ATG7: variants seen among roughly 807,000 people sequenced by gnomAD.
ATG7 encodes the protein autophagy related 7.
Under a neutral mutation model 82.4 loss-of-function variants are expected in ATG7, and 70 were observed. The observed-to-expected ratio is 0.85, with a 90% CI of 0.70 to 1.04. The LOEUF is 1.04. Among genes scored for constraint, ATG7 ranks in the 50% least tolerant of loss-of-function variants. The pLI is 0.00. For missense variants in ATG7, 792 were observed against 864.3 expected (o/e 0.92, Z 1.05); for synonymous variants, 287 against 313.0 (o/e 0.92, Z 0.88).
chr3:11,289,765 G>T (rs1286468207), intron 3 of ATG7, among the ~76,000 whole-genome samples: 1 of 152,044 alleles, frequency 6.6e-6, no homozygotes, highest in Admixed American at 6.6e-5. Context: ...TCACCATGTT[G>T]CCCAGGCTCG....
intron 20 of ATG7, among the ~76,000 whole-genome samples, chr3:11,511,126 T>C (rs951274777): frequency 6.6e-6 from 1 of 152,068 alleles, no homozygotes; most frequent in Non-Finnish European, 1.5e-5. Context: ...AGTAGCAAGA[T>C]TTATTGCAAA....
chr3:11,444,615 G>A (rs915059746), intron 20 of ATG7, among the ~76,000 whole-genome samples: 19 of 152,140 alleles, frequency 1.2e-4, no homozygotes, highest in African/African-American at 4.6e-4. Flanking sequence ...TTAAAACCCT[G>A]GAAGACATCC....
chr3:11,436,796 G>T (rs1576402746), intron 20 of ATG7, among the ~76,000 whole-genome samples: 2 of 152,134 alleles, frequency 1.3e-5, no homozygotes, highest in Non-Finnish European at 2.9e-5. Context: ...ACTAATTGAA[G>T]AAGCCAGTCA....
At chr3:11,431,565 T>C (rs1326459230) in intron 20 of ATG7, among the ~76,000 whole-genome samples, 1 of 152,198 alleles carries the variant, frequency 6.6e-6, no homozygotes, top group Non-Finnish European at 1.5e-5. Context: ...TCCCTCCTCC[T>C]TCCAGCCCCT....
intron 18 of ATG7, among the ~76,000 whole-genome samples, chr3:11,373,137 T>C (rs1471718512): frequency 2.0e-5 from 3 of 150,350 alleles, no homozygotes; most frequent in Admixed American, 6.6e-5. Flanking sequence ...AGAACAAGAG[T>C]TGAGAGTAAG....
At chr3:11,381,466 ACACT>A (rs1249900569) in intron 19 of ATG7, among the ~76,000 whole-genome samples, 5 of 152,222 alleles carry the variant, frequency 3.3e-5, no homozygotes, top group South Asian at 4.1e-4. Flanking sequence ...TGAAATGCAA[ACACT>A]CATTCATTCT....
intron 15 of ATG7, among the ~76,000 whole-genome samples, chr3:11,359,722 C>CA (rs1047358332): frequency 9.1e-5 from 13 of 142,818 alleles, no homozygotes; most frequent in South Asian, 4.5e-4. Flanking sequence ...AACAAAAAAA[C>CA]AAAAAAAAAC....
chr3:11,302,563 TGA>T (rs1339665846), intron 5 of ATG7, among the ~76,000 whole-genome samples: 2 of 152,294 alleles, frequency 1.3e-5, no homozygotes, highest in South Asian at 4.1e-4. Flanking sequence ...CTCTACTGTA[TGA>T]GAGAGAGAAG....
intron 9 of ATG7, among the ~76,000 whole-genome samples, chr3:11,328,546 T>C (rs1379084507): frequency 6.6e-6 from 1 of 152,220 alleles, no homozygotes; most frequent in Non-Finnish European, 1.5e-5. Flanking sequence ...AAGAAAATTT[T>C]ATATAACGGA....
intron 3 of ATG7, among the ~76,000 whole-genome samples, chr3:11,297,657 T>C (rs1476365795): frequency 8.5e-5 from 13 of 152,154 alleles, no homozygotes. Context: ...ATACAAAATT[T>C]CCATGCATTG....
chr3:11,314,262 A>G (rs1261889385), intron 8 of ATG7, among the ~76,000 whole-genome samples: 5 of 152,176 alleles, frequency 3.3e-5, no homozygotes, highest in South Asian at 2.1e-4. Flanking sequence ...CCTAAACTAG[A>G]GAATTCTTAT....
chr3:11,284,908 G>A (rs1371143418), intron 3 of ATG7, among the ~76,000 whole-genome samples: 4 of 149,330 alleles, frequency 2.7e-5, no homozygotes, highest in Admixed American at 1.4e-4. Flanking sequence ...GTGCAGGTGC[G>A]CAATCTTGGC....
intron 20 of ATG7, among the ~76,000 whole-genome samples, chr3:11,434,458 G>C (rs1160675674): frequency 1.3e-5 from 2 of 152,116 alleles, no homozygotes; most frequent in Admixed American, 1.3e-4. Flanking sequence ...GCCCTGCCTT[G>C]ATTTTTCCTT....
At position 11,417,805 on chromosome 3, in the gene ATG7, A is replaced by ATT. The variant is rs200364263; in HGVS notation, c.1957-8996_1957-8995dup. On this transcript the variant is annotated intron_variant, in intron 19 of 20. Coordinates refer to ENST00000693202, the MANE Select transcript of ATG7 (RefSeq NM_001349232.2). ...AAAAAATTATTATTATTATTATTTT[A>ATT]TTTTATTTTATTTTTTTTTTTTTTG... is the stretch of plus-strand genomic sequence containing the variant. Among the ~76,000 whole-genome samples, 83 of 52,736 alleles carry ATT rather than the reference A, an allele frequency of 1.6e-3. 1 individual carries two copies. In the South Asian group the frequency reaches 0.019, roughly 12 times the overall value. 34.6% of individuals were successfully genotyped at this position (52,736 alleles called of 152,430 possible).
chr3:11,564,912 T>C, the ATG7 span: 4 of 1,600,656 alleles, frequency 2.5e-6, no homozygotes, highest in Non-Finnish European at 3.4e-6. Flanking sequence ...GAGGGAGGTG[T>C]ACAGGTGGCT....
chr3:11,306,510 C>T (rs1297068395), intron 5 of ATG7, among the ~76,000 whole-genome samples: 1 of 152,212 alleles, frequency 6.6e-6, no homozygotes, highest in Non-Finnish European at 1.5e-5. Flanking sequence ...GTACCTTGGA[C>T]TCAGCTAGTT....
At chr3:11,408,610 T>G (rs993903724) in intron 19 of ATG7, among the ~76,000 whole-genome samples, 6 of 152,212 alleles carry the variant, frequency 3.9e-5, no homozygotes, top group African/African-American at 1.4e-4. Context: ...TGGGGAGGCC[T>G]TACAATCCTG....
chr3:11,511,352 TAC>T (rs1173948575), intron 20 of ATG7, among the ~76,000 whole-genome samples: 7 of 152,296 alleles, frequency 4.6e-5, no homozygotes, highest in Non-Finnish European at 7.4e-5. Flanking sequence ...ATTAGTTAGA[TAC>T]AGAGTTTCGA....
At chr3:11,488,782 A>G (rs1484581193) in intron 20 of ATG7, among the ~76,000 whole-genome samples, 1 of 152,054 alleles carries the variant, frequency 6.6e-6, no homozygotes, top group East Asian at 1.9e-4. Flanking sequence ...AGGCTTTTTG[A>G]TGTGCTGCTG....
Sources: allele counts gnomAD v4.1 joint callset (sites outside exome capture counted in the v4.1 genomes callset), GRCh38; gene constraint gnomAD v4.1.1; transcripts MANE v1.5; gene names NCBI Gene and HGNC (gene_info 2026-07-23, HGNC 2026-07-21).